Variants in CCDC146 observed in about 807,000 individuals in gnomAD.
CCDC146 encodes the protein coiled-coil domain-containing protein 146.
CCDC146 carries 92 observed loss-of-function variants against 119.3 expected under a neutral mutation model. The observed-to-expected ratio is 0.77, with a 90% CI of 0.65 to 0.92. The LOEUF (loss-of-function observed/expected upper bound fraction) is 0.92, where lower values mean the gene tolerates loss of function less well. Among genes scored for constraint, CCDC146 ranks in the 40% least tolerant of loss-of-function variants. The probability of loss-of-function intolerance (pLI) is 0.00; values close to 1 mark genes in which losing one functional copy is unlikely to be tolerated. For synonymous variants in CCDC146, 372 were observed against 371.8 expected (o/e 1.00, Z -0.01); for missense variants, 1,000 against 1,103.0 (o/e 0.91, Z 1.32).
At chr7:77,253,019 C>T (rs1016584748) in intron 4 of CCDC146, among the ~76,000 whole-genome samples, 4 of 152,170 alleles carry the variant, frequency 2.6e-5, no homozygotes, top group African/African-American at 7.2e-5. Context: ...CAAACAATGC[C>T]AATGTGTCTG....
chr7:77,220,425 T>C (rs533852223), intron 2 of CCDC146, among the ~76,000 whole-genome samples: 1 of 152,296 alleles, frequency 6.6e-6, no homozygotes, highest in African/African-American at 2.4e-5. Flanking sequence ...GTACAGATAA[T>C]GCAATCATCA....
intron 2 of CCDC146, among the ~76,000 whole-genome samples, chr7:77,211,677 G>A (rs564357478): frequency 1.4e-4 from 22 of 152,012 alleles, no homozygotes; most frequent in Admixed American, 3.9e-4. Context: ...GTGCAGTGGC[G>A]TGATCTCAGC....
intron 4 of CCDC146, among the ~76,000 whole-genome samples, chr7:77,253,840 A>G (rs193041156): frequency 1.3e-3 from 194 of 152,342 alleles, no homozygotes; most frequent in African/African-American, 4.5e-3. Context: ...CTATGCAAAG[A>G]TCTGTGGCGA....
At chr7:77,132,373 T>C (rs976747565) in intron 1 of CCDC146, among the ~76,000 whole-genome samples, 1 of 151,932 alleles carries the variant, frequency 6.6e-6, no homozygotes, top group Admixed American at 6.6e-5. Context: ...TAATGCATCA[T>C]GACCAAGTGG....
At chr7:77,285,754 G>A (rs1461514664) in intron 15 of CCDC146, among the ~76,000 whole-genome samples, 1 of 152,196 alleles carries the variant, frequency 6.6e-6, no homozygotes, top group Non-Finnish European at 1.5e-5. Context: ...TTTAGGAGTA[G>A]CCATGTTTCT....
chr7:77,248,238 G>T (rs1478268225), intron 4 of CCDC146, among the ~76,000 whole-genome samples: 2 of 152,208 alleles, frequency 1.3e-5, no homozygotes, highest in Non-Finnish European at 2.9e-5. Flanking sequence ...CGTGGACGTA[G>T]AGTGTGGACT....
intron 1 of CCDC146, among the ~76,000 whole-genome samples, chr7:77,158,819 G>C (rs1791214952): frequency 6.6e-6 from 1 of 152,124 alleles, no homozygotes; most frequent in African/African-American, 2.4e-5. Flanking sequence ...CGCCCAGCCA[G>C]ATATTTGTTT....
chr7:77,239,025 A>G (rs1217952828), intron 3 of CCDC146, among the ~76,000 whole-genome samples: 3 of 152,236 alleles, frequency 2.0e-5, no homozygotes, highest in Non-Finnish European at 4.4e-5. Context: ...TCGTGCTGCT[A>G]GGACTACAGC....
chr7:77,288,509 T>C (rs1793888267), intron 17 of CCDC146, among the ~76,000 whole-genome samples: 1 of 152,158 alleles, frequency 6.6e-6, no homozygotes, highest in Non-Finnish European at 1.5e-5. Context: ...ACTCACTCCT[T>C]CCTCAGTCTA....
rs182407467 is a variant in CCDC146, at chr7:77,199,386, C to T, written c.156+31562C>T. On this transcript the variant is annotated intron_variant, in intron 2 of 18. Transcript: ENST00000285871. ...TTAGCTCAGAGGACAGCTTGTTAAC[C>T]TCACTCTCTAATTCTCTAACTCTGT... The T allele has an allele frequency of 2.9e-4, 468 of 1,614,118 alleles. 1 individual carries two copies. Among genetic ancestry groups the T allele is most frequent in the Admixed American group, 6.0e-4 (36 of 60,000 alleles).
At chr7:77,134,815 G>C (rs533460896) in intron 1 of CCDC146, among the ~76,000 whole-genome samples, 4 of 152,314 alleles carry the variant, frequency 2.6e-5, no homozygotes, top group Admixed American at 2.0e-4. Context: ...GTTCCAGCTA[G>C]CTGAGACCCT....
chr7:77,186,069 G>A (rs1440881591), intron 2 of CCDC146, among the ~76,000 whole-genome samples: 1 of 152,136 alleles, frequency 6.6e-6, no homozygotes, highest in African/African-American at 2.4e-5. Context: ...CAACCACTAT[G>A]GAGAACAGTT....
intron 2 of CCDC146, among the ~76,000 whole-genome samples, chr7:77,171,317 A>G (rs1202920655): frequency 1.3e-5 from 2 of 152,182 alleles, no homozygotes; most frequent in African/African-American, 4.8e-5. Flanking sequence ...CCAAACCCAA[A>G]ACACCCGACA....
chr7:77,258,901 T>C, intron 6 of CCDC146, 94 bp from the exon 7 acceptor site: 1 of 783,670 alleles, frequency 1.3e-6, no homozygotes, highest in African/African-American at 1.7e-5. Flanking sequence ...TATCTACATA[T>C]TGTAGTTCCT....
chr7:77,146,259 A>G (rs964278019), intron 1 of CCDC146, among the ~76,000 whole-genome samples: 31 of 151,314 alleles, frequency 2.0e-4, no homozygotes, highest in Non-Finnish European at 3.2e-4. Flanking sequence ...TTGTTTTCCA[A>G]TTGCTTGGTA....
intron 1 of CCDC146, among the ~76,000 whole-genome samples, chr7:77,154,281 A>G (rs976493906): frequency 2.0e-5 from 3 of 152,102 alleles, no homozygotes; most frequent in African/African-American, 4.8e-5. Flanking sequence ...TTTTAAACTA[A>G]CAAAACTGAA....
chr7:77,183,447 C>T (rs1230732379), intron 2 of CCDC146, among the ~76,000 whole-genome samples: 3 of 152,124 alleles, frequency 2.0e-5, no homozygotes, highest in Non-Finnish European at 4.4e-5. Flanking sequence ...ATCTTGACCT[C>T]ACAGTCAAAT....
chr7:77,146,465 G>C (rs750833857), intron 1 of CCDC146, among the ~76,000 whole-genome samples: 5 of 152,078 alleles, frequency 3.3e-5, no homozygotes, highest in Non-Finnish European at 5.9e-5. Flanking sequence ...ATGTTGGCTG[G>C]TTACTTTGCT....
chr7:77,224,320 G>A (rs1023795782), intron 2 of CCDC146, among the ~76,000 whole-genome samples: 2 of 152,086 alleles, frequency 1.3e-5, no homozygotes, highest in Non-Finnish European at 2.9e-5. Context: ...ACTCATGACC[G>A]CCTTCCTCCA....
Sources: gnomAD v4.1 joint callset for allele counts (sites outside exome capture counted in the v4.1 genomes callset) on GRCh38, gnomAD v4.1.1 for gene constraint, MANE v1.5 for transcripts, NCBI Gene and HGNC (gene_info 2026-07-23, HGNC 2026-07-21) for gene names.